The following RHD variants were observed in gnomAD, a reference collection of about 807,000 sequenced individuals.
RHD encodes the protein Rh blood group D antigen.
RHD carries 16 observed loss-of-function variants against 45.5 expected under a neutral mutation model. That is an observed-to-expected ratio of 0.35 (90% confidence interval 0.24 to 0.53). The LOEUF (loss-of-function observed/expected upper bound fraction) is 0.53, where lower values mean the gene tolerates loss of function less well. Ranked by LOEUF, RHD falls within the 20% of genes least tolerant of loss-of-function variation. The pLI is 0.92. For synonymous variants in RHD, 131 were observed against 217.5 expected, an observed-to-expected ratio of 0.60 and a Z score of 3.50; for missense variants, 306 against 532.0, an observed-to-expected ratio of 0.58 and a Z score of 4.18.
intron 1 of RHD, among the ~76,000 whole-genome samples, chr1:25,273,263 G>A (rs1174228862): frequency 8.0e-6 from 1 of 125,102 alleles, no homozygotes; most frequent in African/African-American, 2.7e-5. Flanking sequence ...AGCCTCCCAA[G>A]AAGCTGGGAC....
rs1344731912 is a variant in RHD at position 25,284,272 on chromosome 1, G to C, written c.149-301G>C. Among the ~76,000 whole-genome samples the C allele has an allele frequency of 2.9e-5, 4 of 135,852 alleles. 1 individual carries two copies. The highest frequency in any genetic ancestry group is 5.3e-5 in the Non-Finnish European group (3 of 57,092). The allele number at this position is 135,852 out of a possible 152,430, so 89.1% of individuals were successfully genotyped here. ...TGCTTTACACTTGTTCTTATTATTAGGTTTAATAATAGAATAATTGCCACA... is the reference window on the plus strand; with the variant it reads ...TGCTTTACACTTGTTCTTATTATTACGTTTAATAATAGAATAATTGCCACA... On this transcript the variant is annotated intron_variant, in intron 1 of 9. Coordinates refer to ENST00000328664, the MANE Select transcript of RHD (RefSeq NM_016124.6).
chr1:25,308,048 A>T (rs1643945639), intron 7 of RHD, among the ~76,000 whole-genome samples: 1 of 102,358 alleles, frequency 9.8e-6, no homozygotes, highest in Admixed American at 9.7e-5. Context: ...AAAAAAAAAA[A>T]GCCAGTGAAG....
Position 25,303,147 on chromosome 1 carries a change from T to C in RHD, c.802-175T>C, listed in dbSNP as rs582290. 7.5e-4 allele frequency among the ~76,000 whole-genome samples: 99 copies of C among 131,454 alleles called. 14 individuals carry two copies. The highest frequency in any genetic ancestry group is 1.2e-3 in the Non-Finnish European group (66 of 55,424). 86.2% of individuals were successfully genotyped at this position (131,454 alleles called of 152,430 possible). On this transcript the variant is annotated intron_variant, in intron 5 of 9. Coordinates refer to ENST00000328664, the MANE Select transcript of RHD (RefSeq NM_016124.6). ...TAAGAGGCAGTAGTGAGCTGGCCCA[T>C]CATGTCCACTGATGAAGGACACGTA...
intron 7 of RHD, among the ~76,000 whole-genome samples, chr1:25,311,500 G>A (rs1254998903): frequency 1.5e-5 from 2 of 129,862 alleles, no homozygotes; most frequent in Admixed American, 7.5e-5. Flanking sequence ...ACTCCAGCCT[G>A]GGCGACAGAG....
At chr1:25,284,840 A>G in intron 2 of RHD, 81 bp downstream of exon 2, 1 of 1,241,930 alleles carries the variant, frequency 8.1e-7, no homozygotes, top group Non-Finnish European at 1.2e-6. Flanking sequence ...GATCTGGGAT[A>G]TTGCCCCCTC....
intron 9 of RHD, among the ~76,000 whole-genome samples, chr1:25,322,391 G>C (rs1421722352): frequency 7.5e-6 from 1 of 133,116 alleles, no homozygotes; most frequent in Non-Finnish European, 1.8e-5. Flanking sequence ...TCTTACAACT[G>C]GCTGGGCACG....
At chr1:25,273,892 G>A (rs1162643078) in intron 1 of RHD, among the ~76,000 whole-genome samples, 1 of 129,326 alleles carries the variant, frequency 7.7e-6, no homozygotes, top group East Asian at 2.0e-4. Context: ...TGGGGGCCAT[G>A]GCAGTGACAA....
At position 25,293,965 on chromosome 1, in the gene RHD, C is replaced by G. The variant is rs187353078; in HGVS notation, c.486+3174C>G. Among the ~76,000 whole-genome samples, 2 of 132,076 alleles carry G rather than the reference C, an allele frequency of 1.5e-5. 1 individual carries two copies. The highest frequency in any genetic ancestry group is 3.9e-4 in the East Asian group (2 of 5,146). 86.6% of individuals were successfully genotyped at this position (132,076 alleles called of 152,430 possible). A position where few individuals can be genotyped will look rare whatever the true frequency, so the allele number is the denominator to read the frequency against. ...CATTAACTCACCAGAATACAGAACTCAGTCTCACAACTTAGATATAATTCC... is the reference window on the plus strand; with the variant it reads ...CATTAACTCACCAGAATACAGAACTGAGTCTCACAACTTAGATATAATTCC... On this transcript the variant is annotated intron_variant, in intron 3 of 9. Coordinates refer to ENST00000328664, the MANE Select transcript of RHD (RefSeq NM_016124.6).
chr1:25,321,536 G>A (rs1644703516), intron 8 of RHD, among the ~76,000 whole-genome samples: 2 of 122,044 alleles, frequency 1.6e-5, no homozygotes, highest in African/African-American at 5.5e-5. Context: ...TGGATGTGGT[G>A]GCAGGCGCCT....
In RHD at chr1:25,272,617, C is replaced by A. The variant is rs1288199325; in HGVS notation, c.70C>A (p.Leu24Ile). 6.3e-7 allele frequency: 1 copy of A among 1,578,432 alleles called. No individual in the cohort carries two copies. The highest frequency in any genetic ancestry group is 1.1e-5 in the South Asian group (1 of 90,552). The change falls in exon 1 of 10, where the codon CTC becomes ATC. Residue 24 changes from leucine to isoleucine, a missense_variant. Transcript: ENST00000328664. ...CTGGGCCCTAACACTGGAAGCAGCT[C>A]TCATTCTCCTCTTCTATTTTTTTAC... ...PLWALTLEAALILLFYFFTHY... is the reference protein window; with the variant it reads ...PLWALTLEAAIILLFYFFTHY...
In RHD at chr1:25,307,956, A is replaced by G. The variant is rs1328183747; in HGVS notation, c.1073+1227A>G. 3 of 728,002 alleles carry G rather than the reference A, an allele frequency of 4.1e-6. 1 individual carries two copies. The African/African-American group carries it at 5.4e-5, about 13-fold the overall frequency. The allele number at this position is 728,002 out of a possible 1,614,324, so 45.1% of individuals were successfully genotyped here. A position where few individuals can be genotyped will look rare whatever the true frequency, so the allele number is the denominator to read the frequency against. ...AGAACCTTTCCTGTCTCTGGGCCTG[A>G]GAGTTCCCCTCTGAAAGATGAGGAC... On this transcript the variant is annotated intron_variant, in intron 7 of 9. Transcript: ENST00000328664.
At chr1:25,315,141 C>G (rs563934993) in intron 7 of RHD, among the ~76,000 whole-genome samples, 1 of 129,478 alleles carries the variant, frequency 7.7e-6, no homozygotes, top group East Asian at 2.0e-4. Flanking sequence ...GGTGACACAG[C>G]AAGACTCCAT....
In RHD at chr1:25,313,995, G is replaced by A. The variant is rs185666151; in HGVS notation, c.1074-3005G>A. On this transcript the variant is annotated intron_variant, in intron 7 of 9. Transcript: ENST00000328664. ...TTATCCATTATTGAGGAGGATTTGG[G>A]TAGTTTCCAGTTTGGAGCTATTATG... Among the ~76,000 whole-genome samples, 238 of 132,938 alleles carry A rather than the reference G, an allele frequency of 1.8e-3. 56 individuals carry two copies. The highest frequency in any genetic ancestry group is 3.2e-3 in the Non-Finnish European group (179 of 56,004). 87.2% of individuals were successfully genotyped at this position (132,938 alleles called of 152,430 possible).
intron 2 of RHD, among the ~76,000 whole-genome samples, chr1:25,289,263 C>T (rs1201170028): frequency 2.3e-5 from 3 of 132,304 alleles, no homozygotes; most frequent in Admixed American, 7.4e-5. Context: ...GGTGCAGTCT[C>T]GGCCCACTGA....
In RHD at chr1:25,307,081, G is replaced by A. The variant is rs181004870; in HGVS notation, c.1073+352G>A. On this transcript the variant is annotated intron_variant, in intron 7 of 9. Coordinates refer to ENST00000328664, the MANE Select transcript of RHD (RefSeq NM_016124.6). ...TTTGCTGTGGACGTGCTCCCACTGC[G>A]TACTAGCTGGGCATGTGGCTTAACC... 1.5e-4 allele frequency: 50 copies of A among 326,450 alleles called. 12 individuals are homozygous for A. The highest frequency in any genetic ancestry group is 1.3e-4 in the East Asian group (2 of 15,210). 20.2% of individuals were successfully genotyped at this position (326,450 alleles called of 1,614,324 possible).
intron 2 of RHD, among the ~76,000 whole-genome samples, chr1:25,286,883 A>T (rs1346275068): frequency 7.4e-6 from 1 of 134,552 alleles, no homozygotes; most frequent in African/African-American, 2.6e-5. Flanking sequence ...ACCTGAGGTC[A>T]GGAGTCCGAG....
At position 25,315,116 on chromosome 1, in the gene RHD, A is replaced by G. The variant is rs1644368830; in HGVS notation, c.1074-1884A>G. On this transcript the variant is annotated intron_variant, in intron 7 of 9. Transcript: ENST00000328664. Reference sequence around the variant, plus strand: ...CTACTCGGGAGGCTGAGATCACGCCACTGCACTCCAGCCTGGTGACACAGC... The same window carrying G: ...CTACTCGGGAGGCTGAGATCACGCCGCTGCACTCCAGCCTGGTGACACAGC... Among the ~76,000 whole-genome samples, 2 of 129,216 alleles carry G rather than the reference A, an allele frequency of 1.5e-5. 1 individual carries two copies. Among genetic ancestry groups the G allele is most frequent in the South Asian group, 4.8e-4 (2 of 4,182 alleles). The allele number at this position is 129,216 out of a possible 152,430, so 84.8% of individuals were successfully genotyped here. A position where few individuals can be genotyped will look rare whatever the true frequency, so the allele number is the denominator to read the frequency against.
intron 2 of RHD, among the ~76,000 whole-genome samples, chr1:25,289,823 A>ATTTTTTTTT (rs71014347): frequency 8.6e-6 from 1 of 115,864 alleles, no homozygotes; most frequent in Non-Finnish European, 2.0e-5. Flanking sequence ...TCATAAGTAC[A>ATTTTTTTTT]TTTTTTTTTT....
chr1:25,309,739 C>T (rs1644040163), intron 7 of RHD, among the ~76,000 whole-genome samples: 1 of 131,476 alleles, frequency 7.6e-6, no homozygotes, highest in African/African-American at 2.6e-5. Flanking sequence ...TGGTTCACTT[C>T]CCTAACCTGA....
Sources: allele counts gnomAD v4.1 joint callset (sites outside exome capture counted in the v4.1 genomes callset), GRCh38; gene constraint gnomAD v4.1.1; transcripts MANE v1.5; gene names NCBI Gene and HGNC (gene_info 2026-07-23, HGNC 2026-07-21).